The following NF1 variants were observed in gnomAD, a reference collection of about 807,000 sequenced individuals.
NF1 encodes the protein neurofibromin.
Under a neutral mutation model 325.7 loss-of-function variants are expected in NF1, and 122 were observed. The ratio of observed to expected loss-of-function variants is 0.37; its 90% CI spans 0.32 to 0.44. The LOEUF (loss-of-function observed/expected upper bound fraction) is 0.44. Ranked by LOEUF, NF1 falls within the 20% of genes least tolerant of loss-of-function variation. The pLI is 1.00. For missense variants in NF1, 2,140 were observed against 3,415.4 expected, an observed-to-expected ratio of 0.63 and a Z score of 9.31; for synonymous variants, 1,091 against 1,186.0, an observed-to-expected ratio of 0.92 and a Z score of 1.65.
intron 35 of NF1, among the ~76,000 whole-genome samples, chr17:31,263,459 T>TA (rs928507897): frequency 2.0e-5 from 3 of 150,266 alleles, no homozygotes; most frequent in Non-Finnish European, 3.0e-5. Flanking sequence ...TATAAATAAG[T>TA]AAAAAGAAAT....
intron 36 of NF1, among the ~76,000 whole-genome samples, chr17:31,287,270 C>G (rs1316560637): frequency 6.6e-6 from 1 of 152,250 alleles, no homozygotes; most frequent in East Asian, 1.9e-4. Context: ...TTATATAGCA[C>G]CCACAAAGTG....
intron 36 of NF1, chr17:31,320,340 A>ATT (rs3837848): frequency 4.2e-5 from 60 of 1,425,050 alleles, no homozygotes; most frequent in South Asian, 3.2e-4. Context: ...GAGTCCTTTT[A>ATT]TTTAAAAAAA....
chr17:31,138,999 G>T (rs915361558), intron 1 of NF1, among the ~76,000 whole-genome samples: 1 of 151,624 alleles, frequency 6.6e-6, no homozygotes, highest in African/African-American at 2.4e-5. Flanking sequence ...TGTTAATAAG[G>T]TTTCCTTATA....
chr17:31,346,052 A>T (rs2069972609), intron 48 of NF1: 2 of 1,612,598 alleles, frequency 1.2e-6, no homozygotes. Context: ...AAGACGTGGC[A>T]AAGCCAGTCA....
At chr17:31,194,384 G>A (rs1392085162) in intron 8 of NF1, among the ~76,000 whole-genome samples, 1 of 152,054 alleles carries the variant, frequency 6.6e-6, no homozygotes, top group Admixed American at 6.6e-5. Context: ...AGGCTGGGAA[G>A]GATAGGGTGC....
intron 36 of NF1, chr17:31,317,969 A>G (rs933247511): frequency 4.2e-6 from 1 of 240,122 alleles, no homozygotes; most frequent in Non-Finnish European, 8.1e-6. Flanking sequence ...CATTCAGACA[A>G]AGATCATCTA....
intron 36 of NF1, chr17:31,296,752 T>C (rs988902360): frequency 4.4e-6 from 1 of 226,026 alleles, no homozygotes; most frequent in Admixed American, 5.2e-5. Context: ...GTCGTGTCTT[T>C]TTTTTTTAAT....
rs553558868 is a variant in NF1, at chr17:31,234,411, C to T, written c.3708+1198C>T. 5.3e-5 allele frequency among the ~76,000 whole-genome samples: 8 copies of T among 152,208 alleles called. No individual in the cohort carries two copies. In the South Asian group the frequency reaches 1.0e-3, roughly 20 times the overall value. ...GTTAAGGGCCGGGTGTGGTCGCTCA[C>T]GCCTGTAATCCCAGCACTTTGGGAG... On this transcript the variant is annotated intron_variant, in intron 27 of 57. Transcript: ENST00000358273.
intron 50 of NF1, among the ~76,000 whole-genome samples, chr17:31,351,860 G>GTT (rs74671521): frequency 5.7e-5 from 8 of 141,400 alleles, no homozygotes; most frequent in African/African-American, 7.7e-5. Context: ...ATTTTTTGGG[G>GTT]TTTTTTTTTT....
At chr17:31,255,997 A>G (rs2067576511) in intron 31 of NF1, among the ~76,000 whole-genome samples, 1 of 152,218 alleles carries the variant, frequency 6.6e-6, no homozygotes, top group Admixed American at 6.5e-5. Context: ...TAGAATTTTA[A>G]TGAGTTAAAC....
In NF1 at chr17:31,374,357, T is replaced by C. The variant is rs2070701937; in HGVS notation, c.*202T>C. On this transcript the variant is annotated 3_prime_UTR_variant, in exon 58 of 58. Transcript: ENST00000358273. Reference sequence around the variant, plus strand: ...ATGCTGCCTTTTCTTTAACTTTTTTTCTTCTACTTTTGGCGTGTATCTGGT... The same window carrying C: ...ATGCTGCCTTTTCTTTAACTTTTTTCCTTCTACTTTTGGCGTGTATCTGGT... 1.5e-6 allele frequency: 1 copy of C among 667,420 alleles called. No individual in the cohort carries two copies. Among genetic ancestry groups the C allele is most frequent in the Middle Eastern group, 4.2e-4 (1 of 2,378 alleles). The allele number at this position is 667,420 out of a possible 1,614,324, so 41.3% of individuals were successfully genotyped here. A position where few individuals can be genotyped will look rare whatever the true frequency, so the allele number is the denominator to read the frequency against.
At chr17:31,270,691 G>T (rs2067877060) in intron 36 of NF1, among the ~76,000 whole-genome samples, 1 of 152,152 alleles carries the variant, frequency 6.6e-6, no homozygotes. Flanking sequence ...GTGATACCTG[G>T]CAATTGCTTT....
chr17:31,231,244 T>C (rs2067108216), intron 24 of NF1, among the ~76,000 whole-genome samples: 1 of 152,198 alleles, frequency 6.6e-6, no homozygotes, highest in African/African-American at 2.4e-5. Context: ...GATAAAGGTA[T>C]TATTTGAGGA....
At position 31,169,915 on chromosome 17, in the gene NF1, A is replaced by G. The variant is rs876658638; in HGVS notation, c.504A>G (p.Ser168=). The G allele has an allele frequency of 1.2e-6, 2 of 1,612,454 alleles. No homozygotes were observed. Among genetic ancestry groups the G allele is most frequent in the Non-Finnish European group, 1.7e-6 (2 of 1,178,826 alleles). Residue 168 remains serine, a synonymous_variant, in exon 5 of 58, where the codon TCA becomes TCG. Transcript: ENST00000358273. Reference sequence around the variant, plus strand: ...GGTTACAGGAATTAACTGTTTGTTCAGAAGACAATGTTGATGTTCATGATA... The same window carrying G: ...GGTTACAGGAATTAACTGTTTGTTCGGAAGACAATGTTGATGTTCATGATA... ...STRLQELTVC[S]EDNVDVHDIE...
In NF1 at chr17:31,324,036, A is replaced by G. The variant is rs115572268; in HGVS notation, c.4836-1784A>G. The stretch of plus-strand genomic sequence containing the variant: ...TTTTTATTGATACATGATAATTTGT[A>G]CATATTAATGGAGTATGTGTGATTT... On this transcript the variant is annotated intron_variant, in intron 36 of 57. Coordinates refer to ENST00000358273, the MANE Select transcript of NF1 (RefSeq NM_001042492.3). Among the ~76,000 whole-genome samples the G allele has an allele frequency of 9.4e-3, 1,436 of 152,248 alleles. 24 individuals carry two copies. The highest frequency in any genetic ancestry group is 0.033 in the African/African-American group (1,352 of 41,538).
chr17:31,136,401 G>A (rs192909529), intron 1 of NF1: 3 of 151,420 alleles, frequency 2.0e-5, no homozygotes, highest in East Asian at 1.9e-4. Flanking sequence ...CTTATCAGCA[G>A]TTTTGCTTTC....
intron 36 of NF1, chr17:31,296,273 G>C: frequency 6.2e-7 from 1 of 1,613,996 alleles, no homozygotes; most frequent in Non-Finnish European, 8.5e-7. Context: ...TAAAATACCA[G>C]GTGTGAGAAA....
intron 54 of NF1, 192 bp from the exon 55 acceptor site, chr17:31,358,288 C>A: frequency 1.6e-6 from 1 of 611,582 alleles, no homozygotes. Context: ...AAAAGACAAA[C>A]AAAAACAGAC....
chr17:31,289,931 A>G (rs1294661802), intron 36 of NF1, among the ~76,000 whole-genome samples: 1 of 151,286 alleles, frequency 6.6e-6, no homozygotes, highest in Non-Finnish European at 1.5e-5. Flanking sequence ...ATTGCTTGCT[A>G]TTTTAATAGT....
Sources: allele counts gnomAD v4.1 joint callset (sites outside exome capture counted in the v4.1 genomes callset), GRCh38; gene constraint gnomAD v4.1.1; transcripts MANE v1.5; gene names NCBI Gene and HGNC (gene_info 2026-07-23, HGNC 2026-07-21).